Variants in ANXA8 observed in about 807,000 individuals in gnomAD.
The protein encoded by ANXA8 is VAC-beta.
A neutral mutation model predicts 26.8 loss-of-function variants in ANXA8; 9 were observed. The ratio of observed to expected loss-of-function variants is 0.34; its 90% CI spans 0.20 to 0.59. The LOEUF (loss-of-function observed/expected upper bound fraction) is 0.59. ANXA8 is among the 20% of genes least tolerant of loss of function. ANXA8 has a pLI of 0.84. For synonymous variants in ANXA8, 39 were observed against 94.8 expected (o/e 0.41, Z 3.42); for missense variants, 83 against 238.5 (o/e 0.35, Z 4.29).
chr10:47,957,777 C>T, the ANXA8 span, among the ~76,000 whole-genome samples: 3 of 148,906 alleles, frequency 2.0e-5, no homozygotes, highest in Non-Finnish European at 3.0e-5. Context: ...TGGCTCTGAT[C>T]TCTGCCTCCA....
At chr10:47,667,174 T>A in the ANXA8 span, among the ~76,000 whole-genome samples, 102 of 152,152 alleles carry the variant, frequency 6.7e-4, no homozygotes, top group African/African-American at 2.3e-3. Context: ...TCTTCTCCTC[T>A]TATGTCTTCC....
chr10:47,943,982 A>T, the ANXA8 span, among the ~76,000 whole-genome samples: 1 of 146,644 alleles, frequency 6.8e-6, no homozygotes, highest in African/African-American at 2.6e-5. Context: ...TGGGGCAGAC[A>T]CTCCTGGCTC....
At chr10:47,610,712 A>T in the ANXA8 span, among the ~76,000 whole-genome samples, 3 of 150,310 alleles carry the variant, frequency 2.0e-5, no homozygotes, top group Admixed American at 1.3e-4. Context: ...TAAATAAATA[A>T]ATAAATAAAT....
the ANXA8 span, among the ~76,000 whole-genome samples, chr10:47,982,847 C>A: frequency 3.4e-4 from 9 of 26,712 alleles, no homozygotes; most frequent in Admixed American, 4.6e-4. Context: ...ATTTGATAAG[C>A]CACTTGTATC....
chr10:47,761,098 A>G, the ANXA8 span, among the ~76,000 whole-genome samples: 5 of 73,902 alleles, frequency 6.8e-5, no homozygotes, highest in South Asian at 5.8e-4. Context: ...ACACACACAC[A>G]CACGCACACA....
At chr10:47,683,958 T>C in the ANXA8 span, among the ~76,000 whole-genome samples, 1 of 151,944 alleles carries the variant, frequency 6.6e-6, no homozygotes, top group African/African-American at 2.4e-5. Flanking sequence ...TGCAGTGTTC[T>C]GCAAAGACAA....
At chr10:47,534,408 C>T in the ANXA8 span, among the ~76,000 whole-genome samples, 31 of 129,394 alleles carry the variant, frequency 2.4e-4, 3 homozygotes, top group Admixed American at 8.6e-4. Context: ...CTAAACCACT[C>T]GTGGCGGTTT....
At chr10:47,587,948 C>T in the ANXA8 span, among the ~76,000 whole-genome samples, 1 of 145,658 alleles carries the variant, frequency 6.9e-6, no homozygotes, top group Non-Finnish European at 1.5e-5. Flanking sequence ...GCTTGAGATG[C>T]TCCTTAGAGG....
the ANXA8 span, among the ~76,000 whole-genome samples, chr10:47,664,842 C>T: frequency 7.0e-6 from 1 of 143,874 alleles, no homozygotes; most frequent in Non-Finnish European, 1.5e-5. Context: ...CCTCCCAACC[C>T]AGCCTCCCAA....
At chr10:47,613,568 T>A in the ANXA8 span, among the ~76,000 whole-genome samples, 3 of 97,306 alleles carry the variant, frequency 3.1e-5, no homozygotes, top group East Asian at 6.8e-4. Flanking sequence ...ACTAAGGAAA[T>A]TTAAATAAGA....
chr10:47,700,069 A>G, the ANXA8 span, among the ~76,000 whole-genome samples: 1 of 152,010 alleles, frequency 6.6e-6, no homozygotes, highest in Non-Finnish European at 1.5e-5. Context: ...CATTATAATG[A>G]TGTCAGTTCT....
chr10:47,481,190 C>T (rs1433807449), intron 1 of ANXA8, among the ~76,000 whole-genome samples: 2 of 86,838 alleles, frequency 2.3e-5, no homozygotes, highest in Non-Finnish European at 4.6e-5. Context: ...TGGAGTCACG[C>T]TCTGCTATTA....
the ANXA8 span, among the ~76,000 whole-genome samples, chr10:47,743,392 G>A: frequency 1.2e-5 from 1 of 85,038 alleles, no homozygotes; most frequent in African/African-American, 4.1e-5. Context: ...GTGTGTGTGT[G>A]TGTGTGTGTG....
the ANXA8 span, among the ~76,000 whole-genome samples, chr10:47,589,904 G>GATAC: frequency 4.3e-5 from 1 of 23,506 alleles, no homozygotes; most frequent in East Asian, 1.5e-3. Context: ...ATAGATAGAT[G>GATAC]ATAGATAGAT....
chr10:47,743,277 T>TACATATATATATATAC, the ANXA8 span, among the ~76,000 whole-genome samples: 26 of 92,274 alleles, frequency 2.8e-4, no homozygotes, highest in East Asian at 5.8e-3. Context: ...TATATATATA[T>TACATATATATATATAC]ACACACATAT....
At chr10:47,684,441 G>A in the ANXA8 span, among the ~76,000 whole-genome samples, 1 of 151,778 alleles carries the variant, frequency 6.6e-6, no homozygotes, top group African/African-American at 2.4e-5. Context: ...GGGTGAGGAG[G>A]GTAGGGTAAC....
the ANXA8 span, among the ~76,000 whole-genome samples, chr10:47,494,805 G>A: frequency 6.6e-6 from 1 of 151,234 alleles, no homozygotes; most frequent in African/African-American, 2.5e-5. Flanking sequence ...GGACATATTC[G>A]AATGGGTACT....
At chr10:47,516,043 T>C in the ANXA8 span, among the ~76,000 whole-genome samples, 15 of 122,936 alleles carry the variant, frequency 1.2e-4, 1 homozygote, top group Admixed American at 1.7e-4. Flanking sequence ...TAAAATTCAA[T>C]AGAAATAGTA....
chr10:47,901,167 G>C, the ANXA8 span, among the ~76,000 whole-genome samples: 1 of 132,556 alleles, frequency 7.5e-6, no homozygotes, highest in Non-Finnish European at 1.6e-5. Flanking sequence ...AGTTCAGAAG[G>C]CAAGGATCTT....
Sources: gnomAD v4.1 joint callset for allele counts (sites outside exome capture counted in the v4.1 genomes callset) on GRCh38, gnomAD v4.1.1 for gene constraint, MANE v1.5 for transcripts, NCBI Gene and HGNC (gene_info 2026-07-23, HGNC 2026-07-21) for gene names.